HTR2C: variants seen among roughly 807,000 people sequenced by gnomAD.
HTR2C encodes the protein 5-hydroxytryptamine (serotonin) receptor 2C, G protein-coupled.
Under a neutral mutation model 21.0 loss-of-function variants are expected in HTR2C, and 5 were observed. The observed-to-expected ratio is 0.24, with a 90% CI of 0.12 to 0.50. The LOEUF (loss-of-function observed/expected upper bound fraction) is 0.50. Ranked by LOEUF, HTR2C falls within the 20% of genes least tolerant of loss-of-function variation. The pLI, the probability that HTR2C is intolerant of heterozygous loss-of-function variation, is 0.98. For missense variants in HTR2C, 271 were observed against 371.2 expected, an observed-to-expected ratio of 0.73 and a Z score of 2.22; for synonymous variants, 150 against 145.3, an observed-to-expected ratio of 1.03 and a Z score of -0.23.
intron 2 of HTR2C, among the ~76,000 whole-genome samples, chrX:114,725,136 G>A (rs1162548537): frequency 1.2e-4 from 13 of 111,128 alleles, no homozygotes; most frequent in Non-Finnish European, 1.3e-4. Context: ...CATTCTCCCT[G>A]TCACTTTCAG....
intron 1 of HTR2C, among the ~76,000 whole-genome samples, chrX:114,604,401 T>C (rs1304038191): frequency 1.8e-5 from 2 of 110,490 alleles, no homozygotes; most frequent in Non-Finnish European, 1.9e-5. Context: ...ACAACAGTTA[T>C]GGAGGCAAGG....
chrX:114,855,334 G>A (rs2070950720), intron 5 of HTR2C, among the ~76,000 whole-genome samples: 1 of 110,776 alleles, frequency 9.0e-6, no homozygotes, highest in Non-Finnish European at 1.9e-5. Flanking sequence ...TCAGGCATAG[G>A]TCATTAAGAA....
At chrX:114,705,228 A>G (rs1263393439) in intron 2 of HTR2C, among the ~76,000 whole-genome samples, 1 of 111,116 alleles carries the variant, frequency 9.0e-6, no homozygotes, top group Admixed American at 9.7e-5. Flanking sequence ...ATATGGAACC[A>G]AAAAAGAGCC....
At chrX:114,713,506 G>T (rs1326251419) in intron 2 of HTR2C, among the ~76,000 whole-genome samples, 2 of 111,072 alleles carry the variant, frequency 1.8e-5, no homozygotes, top group Non-Finnish European at 3.8e-5. Flanking sequence ...AAGTCTGTGT[G>T]ATAGAAACTG....
Position 114,860,916 on chromosome X carries a change from C to G in HTR2C, c.550+12713C>G. Among the ~76,000 whole-genome samples the G allele has an allele frequency of 2.7e-5, 3 of 111,060 alleles. 1 individual carries two copies. The Admixed American group carries it at 2.9e-4, about 11-fold the overall frequency. ...CATTTTCTAAAATGCAATACGTATA[C>G]TTTAAAAATATATATTTAAGGTATA... On this transcript the variant is annotated intron_variant, in intron 5 of 5. Coordinates refer to ENST00000276198, the MANE Select transcript of HTR2C (RefSeq NM_000868.4).
In HTR2C at chrX:114,908,752, C is replaced by T. The variant is rs2071394172; in HGVS notation, c.*1337C>T. On this transcript the variant is annotated 3_prime_UTR_variant, in exon 6 of 6. Transcript: ENST00000276198. ...TGTTGGCCATCATTTCATTCGTGGG[C>T]CTGCTGCTCTCTAAGAATTCAGTAG... 1 of 112,466 alleles carries T rather than the reference C, an allele frequency of 8.9e-6. No individual in the cohort carries two copies. Among genetic ancestry groups the T allele is most frequent in the Non-Finnish European group, 1.9e-5 (1 of 53,240 alleles). The allele number at this position is 112,466 out of a possible 1,213,427, so 9.3% of individuals were successfully genotyped here.
In HTR2C at chrX:114,653,527, C is replaced by A. The variant is rs182171716; in HGVS notation, c.-80+39646C>A. Reference sequence around the variant, plus strand: ...CCTGTCTTGTAAGTGATATGCAGATCACTTTGACTCTAAGCTAGTTTTCTC... The same window carrying A: ...CCTGTCTTGTAAGTGATATGCAGATAACTTTGACTCTAAGCTAGTTTTCTC... On this transcript the variant is annotated intron_variant, in intron 2 of 5. Transcript: ENST00000276198. Among the ~76,000 whole-genome samples the A allele has an allele frequency of 4.8e-3, 530 of 110,372 alleles. 2 individuals are homozygous for A. Among genetic ancestry groups the A allele is most frequent in the African/African-American group, 0.017 (506 of 30,540 alleles).
intron 4 of HTR2C, among the ~76,000 whole-genome samples, chrX:114,757,972 C>A (rs925063621): frequency 9.0e-6 from 1 of 110,912 alleles, no homozygotes; most frequent in African/African-American, 3.3e-5. Flanking sequence ...CACATACACA[C>A]AAACACACAC....
chrX:114,585,463 G>A (rs1556389360), intron 1 of HTR2C, among the ~76,000 whole-genome samples: 1 of 111,526 alleles, frequency 9.0e-6, no homozygotes. Flanking sequence ...TCTTATTCCT[G>A]TACTCAGTTT....
intron 5 of HTR2C, among the ~76,000 whole-genome samples, chrX:114,878,894 G>T (rs1238048078): frequency 8.2e-5 from 9 of 109,826 alleles, no homozygotes; most frequent in South Asian, 3.7e-4. Context: ...GAATTGTTTT[G>T]CATCCCAGCA....
Position 114,845,949 on chromosome X carries a change from A to G in HTR2C, c.350-2054A>G, listed in dbSNP as rs1042449444. 9.6e-4 allele frequency among the ~76,000 whole-genome samples: 106 copies of G among 110,586 alleles called. 1 individual carries two copies. Among genetic ancestry groups the G allele is most frequent in the African/African-American group, 3.4e-3 (104 of 30,367 alleles). ...GATTGCTTGAGCCCAGGAGGTTGAG[A>G]CTGCAGTGAGCCATTATTACACCAC... On this transcript the variant is annotated intron_variant, in intron 4 of 5. Coordinates refer to ENST00000276198, the MANE Select transcript of HTR2C (RefSeq NM_000868.4).
At chrX:114,866,872 T>C (rs1156893370) in intron 5 of HTR2C, among the ~76,000 whole-genome samples, 1 of 112,176 alleles carries the variant, frequency 8.9e-6, no homozygotes, top group African/African-American at 3.2e-5. Flanking sequence ...CCATTATGTA[T>C]ATATACCACA....
At chrX:114,600,748 C>A (rs1000902471) in intron 1 of HTR2C, among the ~76,000 whole-genome samples, 13 of 111,011 alleles carry the variant, frequency 1.2e-4, no homozygotes, top group African/African-American at 3.9e-4. Flanking sequence ...CTATTTTAAT[C>A]TAATTTCATA....
chrX:114,730,422 C>T (rs1181549921), intron 3 of HTR2C, among the ~76,000 whole-genome samples: 1 of 111,664 alleles, frequency 9.0e-6, no homozygotes, highest in African/African-American at 3.3e-5. Context: ...ATCATCACCA[C>T]AAATCATTAT....
intron 2 of HTR2C, 81 bp from the exon 3 acceptor site, chrX:114,726,777 A>C (rs782667775): frequency 2.5e-6 from 1 of 407,422 alleles, no homozygotes; most frequent in Admixed American, 5.8e-5. Context: ...CATTAAGTGC[A>C]TTTAAGTTTA....
chrX:114,758,538 G>A (rs183083782), intron 4 of HTR2C, among the ~76,000 whole-genome samples: 1 of 111,535 alleles, frequency 9.0e-6, no homozygotes, highest in East Asian at 2.8e-4. Flanking sequence ...TCCAGCCTGG[G>A]CAACAGAATG....
At chrX:114,780,918 A>G (rs2147400543) in intron 4 of HTR2C, among the ~76,000 whole-genome samples, 1 of 111,723 alleles carries the variant, frequency 9.0e-6, no homozygotes, top group South Asian at 3.8e-4. Flanking sequence ...CAGGCATTGT[A>G]TCATCAGACA....
chrX:114,705,951 GAAAA>G (rs1556417974), intron 2 of HTR2C, among the ~76,000 whole-genome samples: 1 of 49,124 alleles, frequency 2.0e-5, no homozygotes. Flanking sequence ...AAAAACACAT[GAAAA>G]AATGCTCACC....
intron 2 of HTR2C, among the ~76,000 whole-genome samples, chrX:114,658,052 TAA>T (rs1930850622): frequency 1.8e-5 from 1 of 56,218 alleles, no homozygotes; most frequent in African/African-American, 5.7e-5. Flanking sequence ...AGAGGAAGAG[TAA>T]AACAATTTTT....
Sources: gnomAD v4.1 joint callset for allele counts (sites outside exome capture counted in the v4.1 genomes callset) on GRCh38, gnomAD v4.1.1 for gene constraint, MANE v1.5 for transcripts, NCBI Gene and HGNC (gene_info 2026-07-23, HGNC 2026-07-21) for gene names.